Variants in TIAM2 observed in about 807,000 individuals in gnomAD.
TIAM2 encodes TIAM Rac1 associated GEF 2.
TIAM2 carries 80 observed loss-of-function variants against 152.9 expected under a neutral mutation model. That is an observed-to-expected ratio of 0.52 (90% CI 0.44 to 0.63). TIAM2 has a LOEUF of 0.63. Ranked by LOEUF, TIAM2 falls within the 30% of genes least tolerant of loss-of-function variation. The pLI is 0.00. For missense variants in TIAM2, 1,965 were observed against 2,120.1 expected (o/e 0.93, Z 1.44); for synonymous variants, 804 against 838.0 (o/e 0.96, Z 0.70).
chr6:155,046,331 C>CTT (rs1164422319), intron 1 of TIAM2, among the ~76,000 whole-genome samples: 860 of 80,776 alleles, frequency 0.011, 5 homozygotes, highest in Non-Finnish European at 0.013. Flanking sequence ...TTGGCTCTGT[C>CTT]TTTTTTTTTT....
chr6:155,164,744 C>A, intron 8 of TIAM2, 144 bp downstream of exon 8: 1 of 1,004,928 alleles, frequency 1.0e-6, no homozygotes, highest in Non-Finnish European at 1.5e-6. Flanking sequence ...AGGCCAGGGG[C>A]CTGGAGATGA....
chr6:155,042,819 T>C (rs1382255538), intron 1 of TIAM2, among the ~76,000 whole-genome samples: 1 of 152,170 alleles, frequency 6.6e-6, no homozygotes, highest in East Asian at 1.9e-4. Context: ...TACAACACAT[T>C]GTTAGTAACT....
intron 1 of TIAM2, among the ~76,000 whole-genome samples, chr6:155,047,700 AGAGAGCGAGAGAGAGAGAGAGAGAGC>A (rs1562300187): frequency 7.8e-5 from 2 of 25,792 alleles, no homozygotes; most frequent in African/African-American, 3.4e-4. Context: ...AGAGAGAGAG[AGAGAGCGAGAGAGAGAGAGAGAGAGC>A]GAGAGAGAGA....
chr6:155,130,480 G>C (rs978155379), intron 4 of TIAM2, 63 bp downstream of exon 4: 157 of 1,459,108 alleles, frequency 1.1e-4, no homozygotes, highest in Non-Finnish European at 1.4e-4. Flanking sequence ...GAAGGGGAAG[G>C]TTAGTAGAAG....
intron 1 of TIAM2, among the ~76,000 whole-genome samples, chr6:155,066,966 A>G: frequency 6.6e-6 from 1 of 152,210 alleles, no homozygotes; most frequent in Non-Finnish European, 1.5e-5. Context: ...TATATTAGCC[A>G]GACTGGTCTC....
intron 2 of TIAM2, among the ~76,000 whole-genome samples, chr6:155,091,287 GGCTTGTTGTCTGT>G (rs1778299346): frequency 6.6e-6 from 1 of 152,058 alleles, no homozygotes; most frequent in Admixed American, 6.6e-5. Context: ...TTTATGTATC[GGCTTGTTGTCTGT>G]CTCCGCCTTC....
At chr6:155,028,003 A>G (rs1233739915) in intron 1 of TIAM2, among the ~76,000 whole-genome samples, 1 of 132,100 alleles carries the variant, frequency 7.6e-6, no homozygotes, top group African/African-American at 3.0e-5. Flanking sequence ...TATACTATAT[A>G]TAATATATGT....
At position 155,252,448 on chromosome 6, in the gene TIAM2, G is replaced by A. The variant is rs6938650; in HGVS notation, c.4119+445G>A. Among the ~76,000 whole-genome samples the A allele has an allele frequency of 7.4e-3, 1,123 of 152,280 alleles. 13 individuals are homozygous for A. The highest frequency in any genetic ancestry group is 0.026 in the African/African-American group (1,067 of 41,552). On this transcript the variant is annotated intron_variant, in intron 23 of 26. Coordinates refer to ENST00000682666, the MANE Select transcript of TIAM2 (RefSeq NM_012454.4). ...CATGCCACTGCATTCCAGCCTGTGC[G>A]ACAGAGTGAGACCCTGTCAATAAAT...
chr6:155,164,779 AGCC>A (rs770660919), intron 8 of TIAM2, among the ~76,000 whole-genome samples, 179 bp downstream of exon 8: 15 of 151,802 alleles, frequency 9.9e-5, no homozygotes, highest in Non-Finnish European at 2.2e-4. Context: ...CGTGCTGTAG[AGCC>A]CCCGGTTTCT....
chr6:155,047,706 CGAGAGA>C (rs1562300223), intron 1 of TIAM2, among the ~76,000 whole-genome samples: 1 of 41,192 alleles, frequency 2.4e-5, no homozygotes, highest in Non-Finnish European at 5.2e-5. Context: ...AGAGAGAGAG[CGAGAGA>C]GAGAGAGAGA....
chr6:155,105,386 A>G (rs1364066943), intron 2 of TIAM2, among the ~76,000 whole-genome samples: 1 of 152,196 alleles, frequency 6.6e-6, no homozygotes, highest in African/African-American at 2.4e-5. Context: ...CCTGGCTTCA[A>G]GTGATCTGCC....
chr6:155,249,753 G>C, intron 20 of TIAM2, 98 bp from the exon 21 acceptor site: 1 of 1,015,758 alleles, frequency 9.8e-7, no homozygotes, highest in East Asian at 2.6e-5. Context: ...TACTGGTCTG[G>C]AATCCTGAGT....
intron 1 of TIAM2, among the ~76,000 whole-genome samples, chr6:155,075,018 G>A (rs960051343): frequency 3.3e-5 from 5 of 152,010 alleles, no homozygotes; most frequent in South Asian, 2.1e-4. Flanking sequence ...GGATAAGGAC[G>A]GTGGGTGCAG....
intron 1 of TIAM2, among the ~76,000 whole-genome samples, chr6:155,022,969 C>T (rs776318758): frequency 4.6e-5 from 7 of 151,658 alleles, no homozygotes; most frequent in African/African-American, 1.2e-4. Context: ...TTCTCCTTTC[C>T]GGCTTCTGTT....
At chr6:155,133,949 TCAGGTGATCCA>T (rs1355695051) in intron 4 of TIAM2, among the ~76,000 whole-genome samples, 1 of 152,156 alleles carries the variant, frequency 6.6e-6, no homozygotes, top group Non-Finnish European at 1.5e-5. Context: ...ACTCCCGACC[TCAGGTGATCCA>T]CCCTCCTCGG....
At chr6:155,030,295 C>T (rs996608040) in intron 1 of TIAM2, among the ~76,000 whole-genome samples, 1 of 152,040 alleles carries the variant, frequency 6.6e-6, no homozygotes, top group South Asian at 2.1e-4. Flanking sequence ...AAGTTGTGAT[C>T]AATCTTAGTG....
chr6:155,210,449 G>C (rs1781693133), intron 14 of TIAM2, among the ~76,000 whole-genome samples: 2 of 151,398 alleles, frequency 1.3e-5, no homozygotes, highest in East Asian at 1.9e-4. Flanking sequence ...CGTCCAAGTA[G>C]CTGGGATTAT....
At chr6:155,073,050 T>A (rs2114956338) in intron 1 of TIAM2, among the ~76,000 whole-genome samples, 1 of 152,298 alleles carries the variant, frequency 6.6e-6, no homozygotes, top group Non-Finnish European at 1.5e-5. Context: ...AAATTGGTGT[T>A]TTTCATGCCT....
intron 9 of TIAM2, among the ~76,000 whole-genome samples, chr6:155,173,043 C>G (rs546129199): frequency 1.3e-5 from 2 of 151,976 alleles, no homozygotes; most frequent in Non-Finnish European, 2.9e-5. Context: ...TTACAACAAC[C>G]TAAGAGATCT....
Sources: gnomAD v4.1 joint callset for allele counts (sites outside exome capture counted in the v4.1 genomes callset) on GRCh38, gnomAD v4.1.1 for gene constraint, MANE v1.5 for transcripts, NCBI Gene and HGNC (gene_info 2026-07-23, HGNC 2026-07-21) for gene names.